The following CHAF1A variants were observed in gnomAD, a reference collection of about 807,000 sequenced individuals.
The protein encoded by CHAF1A is CAF-1 subunit A.
In CHAF1A, 5 loss-of-function variants were observed where a neutral mutation model predicts 93.2. The observed-to-expected ratio is 0.05, with a 90% CI of 0.03 to 0.11. The LOEUF (loss-of-function observed/expected upper bound fraction) is 0.11. Ranked by LOEUF, CHAF1A falls within the 10% of genes least tolerant of loss-of-function variation. The pLI is 1.00. For synonymous variants in CHAF1A, 504 were observed against 510.3 expected (o/e 0.99, Z 0.17); for missense variants, 1,102 against 1,259.9 (o/e 0.87, Z 1.90).
At chr19:4,408,822 C>T in intron 2 of CHAF1A, 81 bp from the exon 3 acceptor site, 2 of 1,505,194 alleles carry the variant, frequency 1.3e-6, no homozygotes, top group East Asian at 2.3e-5. Context: ...CCCCATGTCC[C>T]AACAAATCAG....
Position 4,422,646 on chromosome 19 carries a change from G to A in CHAF1A, c.1098G>A (p.Arg366=), listed in dbSNP as rs1224186283. ...AGAAGCTGAAAGAGGAGGCCAAGCG[G>A]GCCAAGGAGGAGGCCAAGAAGAAGA... ...EKEKLKEEAK[R]AKEEAKKKKE... is the part of the protein sequence containing the mutation. Residue 366 remains arginine, a synonymous_variant, in exon 5 of 15, where the codon CGG becomes CGA. Coordinates refer to ENST00000301280, the MANE Select transcript of CHAF1A (RefSeq NM_005483.3). The surrounding 1 kb of genome is among the most constrained non-coding windows in gnomAD (Gnocchi z 4.6). 2 of 1,603,622 alleles carry A rather than the reference G, an allele frequency of 1.2e-6. No individual in the cohort carries two copies. The highest frequency in any genetic ancestry group is 1.3e-5 in the African/African-American group (1 of 74,796).
At chr19:4,445,080 C>T (rs1974475323), downstream of CHAF1A, 2 of 183,372 alleles carry the variant, frequency 1.1e-5, no homozygotes, top group East Asian at 1.6e-4. Flanking sequence ...GCCAGCATCC[C>T]CTCCTGCCGT....
downstream of CHAF1A, chr19:4,447,641 A>G (rs1400032420): frequency 6.2e-7 from 1 of 1,613,372 alleles, no homozygotes; most frequent in Admixed American, 1.7e-5. Flanking sequence ...GTAGGTGGAG[A>G]AGGTGAGTGG....
chr19:4,450,122 G>A, the CHAF1A span: 1 of 151,884 alleles, frequency 6.6e-6, no homozygotes. Flanking sequence ...CTACTTGGGA[G>A]GCTGAGGCAG....
At chr19:4,428,466 G>A (rs1974123924) in intron 7 of CHAF1A, among the ~76,000 whole-genome samples, 198 bp from the exon 8 acceptor site, 1 of 152,108 alleles carries the variant, frequency 6.6e-6, no homozygotes, top group Non-Finnish European at 1.5e-5. Flanking sequence ...CCCACCGCCG[G>A]CCCTTGAGAC....
chr19:4,426,114 T>A (rs1974075778), intron 7 of CHAF1A, among the ~76,000 whole-genome samples: 1 of 151,998 alleles, frequency 6.6e-6, no homozygotes, highest in African/African-American at 2.4e-5. Context: ...CATAGTCTAG[T>A]ATTTCATTCT....
chr19:4,435,394 CAG>C (rs1282809103), intron 13 of CHAF1A, among the ~76,000 whole-genome samples: 1 of 151,718 alleles, frequency 6.6e-6, no homozygotes, highest in Non-Finnish European at 1.5e-5. Context: ...TTTTTTGAGT[CAG>C]GGGTCTTACT....
At chr19:4,404,709 A>G (rs1175981488) in intron 1 of CHAF1A, among the ~76,000 whole-genome samples, 3 of 152,218 alleles carry the variant, frequency 2.0e-5, no homozygotes, top group African/African-American at 7.2e-5. Flanking sequence ...TAGATTAACC[A>G]AAATAACTAA....
At chr19:4,429,136 G>C (rs575591216) in intron 8 of CHAF1A, 198 of 591,956 alleles carry the variant, frequency 3.3e-4, no homozygotes, top group African/African-American at 3.3e-3. Context: ...CTGGTCTCCA[G>C]TGAAGGATAC....
chr19:4,429,991 C>A, intron 10 of CHAF1A: 1 of 546,046 alleles, frequency 1.8e-6, no homozygotes, highest in Non-Finnish European at 3.3e-6. Flanking sequence ...TGACACTCGC[C>A]CACGTGGCTG....
intron 2 of CHAF1A, among the ~76,000 whole-genome samples, chr19:4,408,190 G>GTCTTTTTTT (rs1973716136): frequency 1.4e-5 from 2 of 147,826 alleles, no homozygotes; most frequent in African/African-American, 5.0e-5. Context: ...CCCCTGCCCC[G>GTCTTTTTTT]TCTTTTTTTT....
chr19:4,447,025 C>A, downstream of CHAF1A: 1 of 1,178,182 alleles, frequency 8.5e-7, no homozygotes, highest in Non-Finnish European at 1.2e-6. Flanking sequence ...GAGCAGCTGT[C>A]GACCCCTGGA....
At position 4,408,296 on chromosome 19, in the gene CHAF1A, C is replaced by T. The variant is rs534718650; in HGVS notation, c.104-607C>T. ...CAGGCTCCGCCCCCCGGGTTCACAC[C>T]ATTCTCCTGCCTCAGTCTCCCGAGT... is the stretch of plus-strand genomic sequence containing the variant. On this transcript the variant is annotated intron_variant, in intron 2 of 14. Coordinates refer to ENST00000301280, the MANE Select transcript of CHAF1A (RefSeq NM_005483.3). Among the ~76,000 whole-genome samples, 4 of 150,164 alleles carry T rather than the reference C, an allele frequency of 2.7e-5. No homozygotes were observed. The East Asian group carries it at 8.0e-4, about 30-fold the overall frequency.
chr19:4,445,519 T>C (rs1424164243), downstream of CHAF1A: 6 of 1,613,812 alleles, frequency 3.7e-6, no homozygotes, highest in Admixed American at 1.7e-5. Context: ...TCTCGATGGC[T>C]GACAGGAGCT....
chr19:4,432,140 G>A lies in CHAF1A; in HGVS notation c.2136G>A (p.Leu712=), dbSNP rs778799317. ...KVLQQFAACF[L]ETLPAQEEQT... ...TGCAGCAGTTCGCAGCCTGCTTCCTGGAGACCCTGCCGGCCCAGGAGGAGC... is the reference window on the plus strand; with the variant it reads ...TGCAGCAGTTCGCAGCCTGCTTCCTAGAGACCCTGCCGGCCCAGGAGGAGC... Residue 712 remains leucine (L), a synonymous_variant, in exon 12 of 15, where the codon CTG becomes CTA. Coordinates refer to ENST00000301280, the MANE Select transcript of CHAF1A (RefSeq NM_005483.3). 27 of 1,613,246 alleles carry A rather than the reference G, an allele frequency of 1.7e-5. No individual in the cohort carries two copies. In the East Asian group the frequency reaches 5.1e-4, roughly 31 times the overall value.
At position 4,433,042 on chromosome 19, in the gene CHAF1A, C is replaced by T; in HGVS notation, c.2204-28C>T. ...TGGTGATGGGTGGCTCCCCAAGCCT[C>T]ATGCCCACCCATGTTCCCTCCTGCC... On this transcript the variant is annotated intron_variant, in intron 12 of 14. Coordinates refer to ENST00000301280, the MANE Select transcript of CHAF1A (RefSeq NM_005483.3). This position sits in a 1 kb window ranked among gnomAD's most constrained non-coding sequence, Gnocchi z 5.6. 1 of 1,499,314 alleles carries T rather than the reference C, an allele frequency of 6.7e-7. No homozygotes were observed. The highest frequency in any genetic ancestry group is 9.0e-7 in the Non-Finnish European group (1 of 1,112,010). The allele number at this position is 1,499,314 out of a possible 1,614,324, so 92.9% of individuals were successfully genotyped here. A position where few individuals can be genotyped will look rare whatever the true frequency, so the allele number is the denominator to read the frequency against.
Position 4,423,826 on chromosome 19 carries a change from C to G in CHAF1A, c.1329C>G (p.Ala443=). ...EEEKRIKAEK[A]EITRFFQKPK... The stretch of plus-strand genomic sequence containing the variant: ...CACAGCGCATTAAAGCAGAGAAGGC[C>G]GAAATCACGAGGTTCTTCCAGAAAC... The change falls in exon 7 of 15, where the codon GCC becomes GCG. Residue 443 remains alanine, a synonymous_variant. Transcript: ENST00000301280. The G allele has an allele frequency of 6.2e-7, 1 of 1,614,124 alleles. No individual in the cohort carries two copies. Among genetic ancestry groups the G allele is most frequent in the Non-Finnish European group, 8.5e-7 (1 of 1,179,994 alleles).
At chr19:4,415,833 T>C (rs1461783431) in intron 3 of CHAF1A, among the ~76,000 whole-genome samples, 1 of 152,040 alleles carries the variant, frequency 6.6e-6, no homozygotes, top group Non-Finnish European at 1.5e-5. Flanking sequence ...TCTGAAGCTT[T>C]TATTCTGTGA....
intron 1 of CHAF1A, among the ~76,000 whole-genome samples, chr19:4,405,608 CAA>C (rs35526816): frequency 1.5e-4 from 14 of 91,914 alleles, no homozygotes; most frequent in Admixed American, 1.2e-4. Flanking sequence ...ACTCTGTCTC[CAA>C]AAAAAAAAAA....
Sources: gnomAD v4.1 joint callset for allele counts (sites outside exome capture counted in the v4.1 genomes callset) on GRCh38, gnomAD v4.1.1 for gene constraint, Gnocchi (gnomAD v3.1) non-coding constraint, MANE v1.5 for transcripts, NCBI Gene and HGNC (gene_info 2026-07-23, HGNC 2026-07-21) for gene names.